PHF12: variants seen among roughly 807,000 people sequenced by gnomAD.
PHF12 encodes PHD finger protein 12.
A neutral mutation model predicts 99.8 loss-of-function variants in PHF12; 6 were observed. The observed-to-expected ratio is 0.06, with a 90% confidence interval of 0.03 to 0.12. PHF12 has a LOEUF of 0.12. Ranked by LOEUF, PHF12 falls within the 10% of genes least tolerant of loss-of-function variation. The probability of loss-of-function intolerance (pLI) is 1.00; values close to 1 mark genes in which losing one functional copy is unlikely to be tolerated. For synonymous variants in PHF12, 480 were observed against 514.9 expected (o/e 0.93, Z 0.92); for missense variants, 954 against 1,300.1 (o/e 0.73, Z 4.09).
At chr17:28,940,398 ACT>A (rs777446714) in intron 2 of PHF12, among the ~76,000 whole-genome samples, 1 of 152,144 alleles carries the variant, frequency 6.6e-6, no homozygotes, top group African/African-American at 2.4e-5. Flanking sequence ...AAAGGGACTC[ACT>A]CTCTGAGTGA....
At chr17:28,909,854 G>A (rs946913965) in intron 11 of PHF12, 2 of 579,202 alleles carry the variant, frequency 3.5e-6, no homozygotes, top group African/African-American at 1.9e-5. Flanking sequence ...GCCTCCCAAA[G>A]TGCTGGGATT....
intron 10 of PHF12, 152 bp downstream of exon 10, chr17:28,910,960 C>A: frequency 1.8e-6 from 2 of 1,095,508 alleles, no homozygotes; most frequent in Non-Finnish European, 2.6e-6. Context: ...ACCCCGCCCC[C>A]CCATCCAAAA....
intron 11 of PHF12, chr17:28,909,167 G>A: frequency 2.5e-6 from 1 of 400,548 alleles, no homozygotes; most frequent in East Asian, 4.4e-5. Flanking sequence ...GCTAATCCGG[G>A]ATATTCCAGC....
At chr17:28,944,384 G>T in intron 2 of PHF12, 1 of 686,396 alleles carries the variant, frequency 1.5e-6, no homozygotes, top group Non-Finnish European at 1.8e-6. Flanking sequence ...TCTTTCAAGA[G>T]TATAACCTCC....
In PHF12 at chr17:28,951,217, G is replaced by A. The variant is rs2152681409; in HGVS notation, c.-257C>T. ...TGGCTGCACAGTGGGTCCCGGCTCC[G>A]GGGGTCAGGCCTCGGCGGGGCCTAG... On this transcript the variant is annotated 5_prime_UTR_variant, in exon 1 of 15. Coordinates refer to ENST00000332830, the MANE Select transcript of PHF12 (RefSeq NM_001033561.2). The A allele has an allele frequency of 2.2e-6, 3 of 1,356,910 alleles. No homozygotes were observed. The highest frequency in any genetic ancestry group is 3.2e-5 in the Admixed American group (1 of 30,962). 84.1% of individuals were successfully genotyped at this position (1,356,910 alleles called of 1,614,324 possible).
At chr17:28,927,648 A>G (rs1319116041) in intron 2 of PHF12, 1 of 153,008 alleles carries the variant, frequency 6.5e-6, no homozygotes, top group Non-Finnish European at 1.5e-5. Flanking sequence ...TTGTCTTATG[A>G]CTTGCTTTGA....
At chr17:28,926,739 T>C in intron 3 of PHF12, 6 of 1,425,798 alleles carry the variant, frequency 4.2e-6, no homozygotes, top group Non-Finnish European at 5.6e-6. Context: ...GTAAGACTAC[T>C]CCTGTCACTA....
At chr17:28,931,123 G>C (rs1356835168) in intron 2 of PHF12, among the ~76,000 whole-genome samples, 1 of 152,108 alleles carries the variant, frequency 6.6e-6, no homozygotes, top group Non-Finnish European at 1.5e-5. Flanking sequence ...TCTAGATAAT[G>C]ACCACAGGCT....
chr17:28,913,863 C>T lies in PHF12; in HGVS notation c.1293+16G>A, dbSNP rs773866963. 2.5e-6 allele frequency: 4 copies of T among 1,587,020 alleles called. No individual in the cohort carries two copies. Among genetic ancestry groups the T allele is most frequent in the Non-Finnish European group, 3.4e-6 (4 of 1,159,854 alleles). ...AGGAAGGTTGGATTTGGAATCCCCGCCCCACCTTCACTCACCTCTTGCTGC... is the reference window on the plus strand; with the variant it reads ...AGGAAGGTTGGATTTGGAATCCCCGTCCCACCTTCACTCACCTCTTGCTGC... On this transcript the variant is annotated intron_variant, in intron 8 of 14. Coordinates refer to ENST00000332830, the MANE Select transcript of PHF12 (RefSeq NM_001033561.2).
intron 2 of PHF12, among the ~76,000 whole-genome samples, chr17:28,936,660 A>G (rs2152674721): frequency 6.6e-6 from 1 of 152,332 alleles, no homozygotes; most frequent in South Asian, 2.1e-4. Context: ...CAGTTGGACT[A>G]AAAAGAAAGA....
At chr17:28,926,443 A>C in intron 3 of PHF12, 1 of 234,964 alleles carries the variant, frequency 4.3e-6, no homozygotes, top group Non-Finnish European at 8.7e-6. Flanking sequence ...ATAAGGGAGA[A>C]TTTAGCTCTT....
chr17:28,926,693 A>G, intron 3 of PHF12: 1 of 1,075,376 alleles, frequency 9.3e-7, no homozygotes, highest in Non-Finnish European at 1.3e-6. Context: ...TTTTTCAGCC[A>G]TGGATAAGGC....
At position 28,913,986 on chromosome 17, in the gene PHF12, G is replaced by A. The variant is rs73266406; in HGVS notation, c.1186C>T (p.Pro396Ser). The change falls in exon 8 of 15, where the codon CCC becomes TCC. Residue 396 changes from proline to serine, a missense_variant. Physicochemically the swap from Pro to Ser is moderately conservative, Grantham distance 74. Coordinates refer to ENST00000332830, the MANE Select transcript of PHF12 (RefSeq NM_001033561.2). Reference sequence around the variant, plus strand: ...AGCTCCCCGTCCCGAATGGCCGCGGGTGCAATGAGAGGGGGTGGAAACTGG... The same window carrying A: ...AGCTCCCCGTCCCGAATGGCCGCGGATGCAATGAGAGGGGGTGGAAACTGG... ...QYQFPPPLIA[P>S]AAIRDGELIC... 412 of 1,613,696 alleles carry A rather than the reference G, an allele frequency of 2.6e-4. 1 individual carries two copies. In the African/African-American group the frequency reaches 4.8e-3, roughly 19 times the overall value.
intron 2 of PHF12, 96 bp from the exon 3 acceptor site, chr17:28,927,159 G>T: frequency 8.7e-7 from 1 of 1,144,970 alleles, no homozygotes. Context: ...CTCCTATTGT[G>T]GCCAGTCCTG....
Position 28,912,857 on chromosome 17 carries a change from G to A in PHF12, c.1714C>T (p.Leu572=). The change falls in exon 9 of 15, where the codon CTA becomes TTA. Residue 572 remains leucine (L), a synonymous_variant. Transcript: ENST00000332830. ...PRRLPGANTP[L]PGLSHRQGWP... is the part of the protein sequence containing the mutation. ...CCTTGCCGGTGTGAGAGGCCTGGTA[G>A]TGGGGTGTTAGCGCCTGGAAGTCGC... 6.2e-7 allele frequency: 1 copy of A among 1,610,702 alleles called. No homozygotes were observed.
rs776390367 is a variant in PHF12 at position 28,924,009 on chromosome 17, C to T, written c.615G>A (p.Gln205=). ...VAAEPDYVQP[Q]LRRPFELLIA... ...TCAGCAGCTCAAAGGGCCGCCTCAGCTGGGGCTGCACATAGTCTGGCTCCG... is the reference window on the plus strand; with the variant it reads ...TCAGCAGCTCAAAGGGCCGCCTCAGTTGGGGCTGCACATAGTCTGGCTCCG... Residue 205 remains glutamine (Q), a synonymous_variant, in exon 4 of 15, where the codon CAG becomes CAA. Coordinates refer to ENST00000332830, the MANE Select transcript of PHF12 (RefSeq NM_001033561.2). 9.3e-6 allele frequency: 15 copies of T among 1,614,154 alleles called. No homozygotes were observed. The South Asian group carries it at 1.5e-4, about 17-fold the overall frequency.
chr17:28,924,325 C>T, intron 3 of PHF12, 23 bp from the exon 4 acceptor site: 1 of 1,613,896 alleles, frequency 6.2e-7, no homozygotes, highest in Non-Finnish European at 8.5e-7. Flanking sequence ...ACAGGTGGGC[C>T]CATCATGAAA....
chr17:28,946,723 A>G (rs1474055201), intron 2 of PHF12, among the ~76,000 whole-genome samples: 1 of 152,236 alleles, frequency 6.6e-6, no homozygotes, highest in African/African-American at 2.4e-5. Context: ...AATTTTGTAG[A>G]GATGGAGTCT....
At chr17:28,934,813 C>G (rs2040478337) in intron 2 of PHF12, among the ~76,000 whole-genome samples, 1 of 152,118 alleles carries the variant, frequency 6.6e-6, no homozygotes, top group South Asian at 2.1e-4. Flanking sequence ...CTTGGTCAGG[C>G]TGGTCTCGAA....
Sources: gnomAD v4.1 joint callset for allele counts (sites outside exome capture counted in the v4.1 genomes callset) on GRCh38, gnomAD v4.1.1 for gene constraint, MANE v1.5 for transcripts, NCBI Gene and HGNC (gene_info 2026-07-23, HGNC 2026-07-21) for gene names.